Variants in FH observed in about 807,000 individuals in gnomAD.
FH encodes the protein fumarate hydratase, mitochondrial.
Under a neutral mutation model 49.4 loss-of-function variants are expected in FH, and 22 were observed. The observed-to-expected ratio is 0.45, with a 90% CI of 0.32 to 0.64. The LOEUF is 0.64. Ranked by LOEUF, FH falls within the 30% of genes least tolerant of loss-of-function variation. FH has a pLI of 0.05. For synonymous variants in FH, 208 were observed against 223.0 expected (o/e 0.93, Z 0.60); for missense variants, 526 against 641.5 (o/e 0.82, Z 1.95).
In FH at chr1:241,513,725, C is replaced by G; in HGVS notation, c.268-12G>C. 6.2e-7 allele frequency: 1 copy of G among 1,605,214 alleles called. No homozygotes were observed. Among genetic ancestry groups the G allele is most frequent in the Non-Finnish European group, 8.5e-7 (1 of 1,172,032 alleles). On this transcript the variant is annotated splice_polypyrimidine_tract_variant and intron_variant, in intron 2 of 9. Coordinates refer to ENST00000366560, the MANE Select transcript of FH (RefSeq NM_000143.4). ...TTAATAACTGGGGTCTAAAATTAATCAGAAAAATATTTCAAATTTACAATT... is the reference window on the plus strand; with the variant it reads ...TTAATAACTGGGGTCTAAAATTAATGAGAAAAATATTTCAAATTTACAATT...
chr1:241,517,929 G>A (rs1306937815), intron 1 of FH, among the ~76,000 whole-genome samples: 1 of 152,012 alleles, frequency 6.6e-6, no homozygotes, highest in Non-Finnish European at 1.5e-5. Flanking sequence ...AATTATTCAT[G>A]TGTGATTTAT....
chr1:241,507,026 TAA>T (rs1659947349), intron 5 of FH, among the ~76,000 whole-genome samples: 1 of 152,142 alleles, frequency 6.6e-6, no homozygotes, highest in Admixed American at 6.5e-5. Context: ...TCAAAAGATA[TAA>T]CTCATTATAG....
chr1:241,510,129 G>A (rs925878224), intron 4 of FH, among the ~76,000 whole-genome samples: 19 of 152,240 alleles, frequency 1.2e-4, no homozygotes, highest in Middle Eastern at 3.4e-3. Context: ...CAATGAACGT[G>A]TATTAAAAAC....
chr1:241,512,910 G>GGTGTGTGT (rs10548903), intron 3 of FH, among the ~76,000 whole-genome samples: 15 of 148,350 alleles, frequency 1.0e-4, no homozygotes, highest in African/African-American at 3.2e-4. Context: ...ATGCAATGAG[G>GGTGTGTGT]GTGTGTGTGT....
chr1:241,504,374 C>T (rs1573880723), intron 6 of FH, 129 bp from the exon 7 acceptor site: 1 of 834,560 alleles, frequency 1.2e-6, no homozygotes, highest in Non-Finnish European at 1.9e-6. Flanking sequence ...AAAATGTTTA[C>T]TTAAGACTCA....
rs1324526971 is a variant in FH at position 241,500,521 on chromosome 1, C to A, written c.1306G>T (p.Val436Leu). 4 of 1,613,586 alleles carry A rather than the reference C, an allele frequency of 2.5e-6. No homozygotes were observed. Among genetic ancestry groups the A allele is most frequent in the Non-Finnish European group, 2.5e-6 (3 of 1,179,896 alleles). ...CTTTCTGTATTGGCCTGGATTCCCA[C>A]CACGCAGTTTTCTGTAAAGGAAACT... ...ASVSFTENCV[V>L]GIQANTERIN... The change falls in exon 9 of 10, where the codon GTG becomes TTG. Residue 436 changes from valine to leucine, a missense_variant. By Grantham distance (32) the Val-to-Leu change is conservative. Coordinates refer to ENST00000366560, the MANE Select transcript of FH (RefSeq NM_000143.4).
chr1:241,505,226 TA>T (rs1052925422), intron 6 of FH, among the ~76,000 whole-genome samples: 1 of 152,110 alleles, frequency 6.6e-6, no homozygotes, highest in Non-Finnish European at 1.5e-5. Context: ...TACAATTTTT[TA>T]AAGTTTCTTT....
Position 241,519,673 on chromosome 1 carries a change from G to A in FH, c.50C>T (p.Ala17Val), listed in dbSNP as rs111548093. ...LLARSRPLVR[A>V]PAAALASAPG... The stretch of plus-strand genomic sequence containing the variant: ...AGCCGAAGCTAAGGCTGCGGCTGGA[G>A]CCCGCACGAGGGGACGCGAGCGCGC... Residue 17 changes from alanine (A) to valine (V), a missense_variant, in exon 1 of 10, where the codon GCT becomes GTT. Physicochemically the swap from Ala to Val is moderately conservative, Grantham distance 64. This residue lies in a region of FH where 143 missense variants were observed against 127.5 expected (regional missense o/e 1.12). Transcript: ENST00000366560. 70 of 1,547,660 alleles carry A rather than the reference G, an allele frequency of 4.5e-5. 1 individual carries two copies. The African/African-American group carries it at 8.6e-4, about 19-fold the overall frequency.
intron 1 of FH, among the ~76,000 whole-genome samples, chr1:241,517,985 G>A (rs1423941662): frequency 6.6e-6 from 1 of 152,066 alleles, no homozygotes; most frequent in Admixed American, 6.5e-5. Flanking sequence ...CTAAAGACAA[G>A]AATAAAACAC....
chr1:241,502,669 A>G (rs1659812760), intron 7 of FH, 99 bp from the exon 8 acceptor site: 2 of 1,378,296 alleles, frequency 1.5e-6, no homozygotes, highest in Non-Finnish European at 1.0e-6. Context: ...AAGATATACA[A>G]TAAAGCAAGG....
chr1:241,502,807 T>C (rs756849484), intron 7 of FH, among the ~76,000 whole-genome samples: 1 of 152,206 alleles, frequency 6.6e-6, no homozygotes, highest in Non-Finnish European at 1.5e-5. Flanking sequence ...TCCACCTTCA[T>C]GATTTTCATT....
chr1:241,502,608 T>G (rs1659811430), intron 7 of FH, 38 bp from the exon 8 acceptor site: 2 of 1,609,268 alleles, frequency 1.2e-6, no homozygotes, highest in Admixed American at 3.3e-5. Context: ...AAAGACTAAA[T>G]TTATGCAAAT....
intron 6 of FH, among the ~76,000 whole-genome samples, chr1:241,505,638 AG>A (rs1268729538): frequency 1.3e-5 from 2 of 152,136 alleles, no homozygotes; most frequent in Non-Finnish European, 2.9e-5. Context: ...AGGAAAAAAA[AG>A]AAATTAAGTC....
chr1:241,502,006 T>TAG, intron 8 of FH, among the ~76,000 whole-genome samples: 1 of 152,284 alleles, frequency 6.6e-6, no homozygotes, highest in South Asian at 2.1e-4. Context: ...CATCAACTAT[T>TAG]AGTAAGGGAA....
chr1:241,517,156 C>G (rs201897325), intron 2 of FH, 26 bp downstream of exon 2: 10 of 1,613,786 alleles, frequency 6.2e-6, no homozygotes, highest in Non-Finnish European at 8.5e-6. Flanking sequence ...TCCAAAATAG[C>G]CAACATTTCC....
chr1:241,502,235 T>TA (rs1378976739), intron 8 of FH, among the ~76,000 whole-genome samples: 1 of 151,868 alleles, frequency 6.6e-6, no homozygotes, highest in East Asian at 1.9e-4. Flanking sequence ...AACGGGCTAT[T>TA]AAAAAAAACA....
chr1:241,501,927 A>G (rs1184680173), intron 8 of FH, among the ~76,000 whole-genome samples: 1 of 152,248 alleles, frequency 6.6e-6, no homozygotes, highest in Non-Finnish European at 1.5e-5. Flanking sequence ...GACAGGGGGC[A>G]GAAGAAGAAC....
chr1:241,511,419 G>T (rs1236079812), intron 4 of FH, among the ~76,000 whole-genome samples: 1 of 152,186 alleles, frequency 6.6e-6, no homozygotes, highest in Non-Finnish European at 1.5e-5. Context: ...AAAGGACTGA[G>T]ACAATCGCAA....
chr1:241,517,363 G>C, intron 1 of FH, 47 bp from the exon 2 acceptor site: 1 of 1,608,132 alleles, frequency 6.2e-7, no homozygotes, highest in Non-Finnish European at 8.5e-7. Flanking sequence ...AGAAACCCAG[G>C]ATCAAAAGTA....
Sources: allele counts gnomAD v4.1 joint callset (sites outside exome capture counted in the v4.1 genomes callset), GRCh38; gene constraint gnomAD v4.1.1; regional missense constraint gnomAD v4.1.1; transcripts MANE v1.5; gene names NCBI Gene and HGNC (gene_info 2026-07-23, HGNC 2026-07-21).